Variants in KHDRBS2 observed in about 807,000 individuals in gnomAD.
KHDRBS2 encodes KH domain-containing, RNA-binding, signal transduction-associated protein 2.
Under a neutral mutation model 44.3 loss-of-function variants are expected in KHDRBS2, and 26 were observed. The ratio of observed to expected loss-of-function variants is 0.59; its 90% CI spans 0.43 to 0.81. The LOEUF (loss-of-function observed/expected upper bound fraction) is 0.81, where lower values mean the gene tolerates loss of function less well. KHDRBS2 is among the 40% of genes least tolerant of loss of function. KHDRBS2 has a pLI of 0.00. For missense variants in KHDRBS2, 476 were observed against 433.1 expected (o/e 1.10, Z -0.88); for synonymous variants, 194 against 151.1 (o/e 1.28, Z -2.08).
At chr6:61,834,809 C>A (rs778299985) in intron 6 of KHDRBS2, among the ~76,000 whole-genome samples, 1 of 151,914 alleles carries the variant, frequency 6.6e-6, no homozygotes, top group Non-Finnish European at 1.5e-5. Flanking sequence ...AGAGAAAGTA[C>A]AAGTCTATGT....
chr6:61,662,538 A>C, the KHDRBS2 span, among the ~76,000 whole-genome samples: 5 of 152,206 alleles, frequency 3.3e-5, no homozygotes, highest in African/African-American at 4.8e-5. Flanking sequence ...CAATGAACTC[A>C]AACAAATTTA....
At chr6:61,689,091 G>T (rs1182076880) in intron 8 of KHDRBS2, among the ~76,000 whole-genome samples, 1 of 151,808 alleles carries the variant, frequency 6.6e-6, no homozygotes, top group Admixed American at 6.6e-5. Flanking sequence ...ATAATAAAAT[G>T]TCTGGACACT....
intron 6 of KHDRBS2, among the ~76,000 whole-genome samples, chr6:61,803,424 G>T (rs1322414633): frequency 6.6e-6 from 1 of 152,084 alleles, no homozygotes; most frequent in East Asian, 1.9e-4. Context: ...AGAAGCACAT[G>T]AACTCTTATA....
chr6:61,920,701 T>C (rs559854722), intron 4 of KHDRBS2, among the ~76,000 whole-genome samples: 1 of 152,070 alleles, frequency 6.6e-6, no homozygotes, highest in African/African-American at 2.4e-5. Flanking sequence ...TCAGAAGCTA[T>C]TCTTGACTGA....
At chr6:61,699,113 G>T (rs9449948) in intron 7 of KHDRBS2, among the ~76,000 whole-genome samples, 3 of 151,842 alleles carry the variant, frequency 2.0e-5, no homozygotes, top group Non-Finnish European at 4.4e-5. Flanking sequence ...ATTTGCTGTC[G>T]TTGTTCCAAG....
the KHDRBS2 span, among the ~76,000 whole-genome samples, chr6:61,548,245 C>G: frequency 2.6e-5 from 4 of 151,976 alleles, no homozygotes; most frequent in Non-Finnish European, 5.9e-5. Flanking sequence ...AGGAACAAGC[C>G]AAAACATGAG....
At chr6:61,819,192 T>G (rs1789479671) in intron 6 of KHDRBS2, among the ~76,000 whole-genome samples, 1 of 151,992 alleles carries the variant, frequency 6.6e-6, no homozygotes, top group Non-Finnish European at 1.5e-5. Context: ...TAAAATGATT[T>G]CATTCATACA....
At chr6:62,112,873 C>G (rs546042196) in intron 2 of KHDRBS2, among the ~76,000 whole-genome samples, 148 of 152,218 alleles carry the variant, frequency 9.7e-4, no homozygotes, top group African/African-American at 3.4e-3. Context: ...CTGGAATTAT[C>G]ATGTAGGTGA....
At chr6:62,065,236 G>A (rs1383287983) in intron 2 of KHDRBS2, among the ~76,000 whole-genome samples, 2 of 152,098 alleles carry the variant, frequency 1.3e-5, no homozygotes, top group African/African-American at 2.4e-5. Flanking sequence ...CATTCCTCAG[G>A]GATCTAGAAC....
At chr6:61,885,627 C>A (rs1800832011) in intron 6 of KHDRBS2, among the ~76,000 whole-genome samples, 1 of 152,102 alleles carries the variant, frequency 6.6e-6, no homozygotes, top group South Asian at 2.1e-4. Context: ...CCTCTAAACC[C>A]AAACTAAATG....
At chr6:61,557,717 T>G in the KHDRBS2 span, among the ~76,000 whole-genome samples, 1 of 152,188 alleles carries the variant, frequency 6.6e-6, no homozygotes, top group African/African-American at 2.4e-5. Flanking sequence ...TATTAGTTGT[T>G]CTTTAACAAC....
intron 7 of KHDRBS2, among the ~76,000 whole-genome samples, chr6:61,726,643 G>T (rs1476906072): frequency 6.6e-6 from 1 of 152,076 alleles, no homozygotes; most frequent in Non-Finnish European, 1.5e-5. Flanking sequence ...CAAGCAGAGA[G>T]CCAAATCATG....
intron 3 of KHDRBS2, among the ~76,000 whole-genome samples, chr6:62,014,999 G>A (rs542174803): frequency 1.3e-5 from 2 of 152,222 alleles, no homozygotes; most frequent in South Asian, 4.1e-4. Context: ...TACGTGGAAG[G>A]TATTCAAGGA....
At chr6:61,851,945 G>A (rs924628470) in intron 6 of KHDRBS2, among the ~76,000 whole-genome samples, 1 of 152,128 alleles carries the variant, frequency 6.6e-6, no homozygotes, top group Admixed American at 6.5e-5. Flanking sequence ...AACCAGGCTG[G>A]GTGCAGTGGC....
intron 2 of KHDRBS2, among the ~76,000 whole-genome samples, chr6:62,130,284 T>C (rs1193858905): frequency 6.6e-6 from 1 of 152,146 alleles, no homozygotes; most frequent in Non-Finnish European, 1.5e-5. Flanking sequence ...GGGGACCAAG[T>C]GATAGTTTGC....
At chr6:62,153,567 A>G (rs1815694629) in intron 2 of KHDRBS2, among the ~76,000 whole-genome samples, 1 of 152,170 alleles carries the variant, frequency 6.6e-6, no homozygotes, top group African/African-American at 2.4e-5. Flanking sequence ...TTAAAACTAA[A>G]TTAAATAAAT....
Position 61,743,762 on chromosome 6 carries a change from T to C in KHDRBS2, c.811-10998A>G, listed in dbSNP as rs545203964. On this transcript the variant is annotated intron_variant, in intron 6 of 8. Coordinates refer to ENST00000281156, the MANE Select transcript of KHDRBS2 (RefSeq NM_152688.4). Reference sequence around the variant, plus strand: ...CGTCATTTAGCATTAAGTATATCTCTTAATGCTATCCCCCCCCTCCCCCCA... The same window carrying C: ...CGTCATTTAGCATTAAGTATATCTCCTAATGCTATCCCCCCCCTCCCCCCA... 6.8e-5 allele frequency among the ~76,000 whole-genome samples: 10 copies of C among 147,372 alleles called. No homozygotes were observed. In the East Asian group the frequency reaches 1.6e-3, roughly 24 times the overall value.
At chr6:62,188,677 G>T (rs1823958832) in intron 1 of KHDRBS2, among the ~76,000 whole-genome samples, 1 of 152,158 alleles carries the variant, frequency 6.6e-6, no homozygotes, top group Non-Finnish European at 1.5e-5. Flanking sequence ...AGGCTGGAAA[G>T]AATTTGGCAC....
chr6:62,216,706 T>G (rs528082074), intron 1 of KHDRBS2, among the ~76,000 whole-genome samples: 1 of 150,622 alleles, frequency 6.6e-6, no homozygotes, highest in Admixed American at 6.6e-5. Context: ...CTTTTTTTTT[T>G]TTTTGTTTTA....
Sources: allele counts gnomAD v4.1 joint callset (sites outside exome capture counted in the v4.1 genomes callset), GRCh38; gene constraint gnomAD v4.1.1; transcripts MANE v1.5; gene names NCBI Gene and HGNC (gene_info 2026-07-23, HGNC 2026-07-21).